KIAA1217: variants seen among roughly 807,000 people sequenced by gnomAD.
KIAA1217 encodes sickle tail protein homolog.
In KIAA1217, 88 loss-of-function variants were observed where a neutral mutation model predicts 163.9. The observed-to-expected ratio is 0.54, with a 90% CI of 0.45 to 0.64. KIAA1217 has a LOEUF of 0.64. Among genes scored for constraint, KIAA1217 ranks in the 30% least tolerant of loss-of-function variants. KIAA1217 has a pLI of 0.00. For synonymous variants in KIAA1217, 903 were observed against 923.1 expected (o/e 0.98, Z 0.39); for missense variants, 2,372 against 2,475.0 (o/e 0.96, Z 0.88).
chr10:23,754,858 T>A (rs12264522), intron 1 of KIAA1217, among the ~76,000 whole-genome samples: 17,767 of 151,260 alleles, frequency 0.12, 2,040 homozygotes, highest in African/African-American at 0.3. Flanking sequence ...TTTTCCTAAA[T>A]GAGACTTGCT....
At chr10:23,797,832 A>G (rs1836280636) in intron 1 of KIAA1217, among the ~76,000 whole-genome samples, 1 of 152,196 alleles carries the variant, frequency 6.6e-6, no homozygotes, top group Admixed American at 6.5e-5. Flanking sequence ...GCCAAACCAT[A>G]TTATTCCATT....
At position 24,543,387 on chromosome 10, in the gene KIAA1217, C is replaced by A; in HGVS notation, c.4117C>A (p.Pro1373Thr). ...NEDGESSSSSPTEENAATDNI... is the reference protein window; with the variant it reads ...NEDGESSSSSTTEENAATDNI... The stretch of plus-strand genomic sequence containing the variant: ...GGATGGAGAATCAAGTTCAAGTTCT[C>A]CCACTGAAGAAAATGCAGCCACTGA... Residue 1373 changes from proline (P) to threonine (T), a missense_variant, in exon 19 of 21, where the codon CCC (proline) becomes ACC (threonine). Physicochemically the swap from Pro to Thr is conservative, Grantham distance 38 (BLOSUM62 -1). Around this residue, in one of 3 missense-constraint regions of KIAA1217, gnomAD observed 251 missense variants for 327.3 expected, o/e 0.77. Transcript: ENST00000376454. The A allele has an allele frequency of 6.2e-7, 1 of 1,614,166 alleles. No homozygotes were observed.
chr10:23,900,202 T>C (rs7090657), intron 1 of KIAA1217, among the ~76,000 whole-genome samples: 55,088 of 151,466 alleles, frequency 0.36, 11,648 homozygotes, highest in African/African-American at 0.6. Context: ...GATGAGGTTT[T>C]GCAATGTTGG....
chr10:24,478,723 TA>T (rs986241919), intron 6 of KIAA1217, among the ~76,000 whole-genome samples: 2 of 152,216 alleles, frequency 1.3e-5, no homozygotes, highest in East Asian at 3.9e-4. Flanking sequence ...CTCTAGGTTG[TA>T]AAATTACTTC....
chr10:23,848,803 T>G (rs1190790466), intron 1 of KIAA1217, among the ~76,000 whole-genome samples: 1 of 152,094 alleles, frequency 6.6e-6, no homozygotes, highest in Non-Finnish European at 1.5e-5. Context: ...CCACAGTGGA[T>G]TTTTTGTGAA....
At chr10:24,050,065 T>C (rs1849386240) in intron 2 of KIAA1217, among the ~76,000 whole-genome samples, 1 of 152,248 alleles carries the variant, frequency 6.6e-6, no homozygotes, top group Non-Finnish European at 1.5e-5. Context: ...CCAGTGATGA[T>C]GAGCATTTTT....
chr10:24,184,946 G>A (rs1377668477), intron 2 of KIAA1217, among the ~76,000 whole-genome samples: 1 of 152,106 alleles, frequency 6.6e-6, no homozygotes, highest in South Asian at 2.1e-4. Context: ...ATTACGTATG[G>A]TATCTAATAT....
intron 2 of KIAA1217, among the ~76,000 whole-genome samples, chr10:24,171,953 A>G (rs1006607993): frequency 6.6e-6 from 1 of 152,192 alleles, no homozygotes; most frequent in Non-Finnish European, 1.5e-5. Flanking sequence ...TCTTAATTTC[A>G]TCCTCACAAC....
At chr10:23,963,046 T>C (rs974401472) in intron 1 of KIAA1217, among the ~76,000 whole-genome samples, 1 of 152,226 alleles carries the variant, frequency 6.6e-6, no homozygotes, top group Non-Finnish European at 1.5e-5. Flanking sequence ...TGAACCATAG[T>C]GAAACATACA....
chr10:24,524,350 CACGG>C lies in KIAA1217; in HGVS notation c.2488_2491del (p.Asp830GlnfsTer19), dbSNP rs1187583240. 1 of 1,612,234 alleles carries C rather than the reference CACGG, an allele frequency of 6.2e-7. No individual in the cohort carries two copies. The highest frequency in any genetic ancestry group is 1.7e-5 in the Admixed American group (1 of 59,990). ...ATGTCACTGATGGGCTCCTGAAAGG[CACGG>C]ACGCAGCCCAAGCCGCACAGTACAT... On this transcript the variant is annotated frameshift_variant, in exon 13 of 21. Coordinates refer to ENST00000376454, the MANE Select transcript of KIAA1217 (RefSeq NM_019590.5). LOFTEE classifies it high-confidence loss of function.
intron 2 of KIAA1217, chr10:24,042,533 T>C (rs1268516512): frequency 1.3e-5 from 2 of 152,196 alleles, no homozygotes; most frequent in African/African-American, 2.4e-5. Context: ...GAACGTTTGC[T>C]TAGAAACTTC....
rs16923955 is a variant in KIAA1217 at position 23,836,040 on chromosome 10, C to T, written c.-321+140806C>T. Among the ~76,000 whole-genome samples, 790 of 152,118 alleles carry T rather than the reference C, an allele frequency of 5.2e-3. 11 individuals are homozygous for T. Among genetic ancestry groups the T allele is most frequent in the African/African-American group, 0.017 (713 of 41,482 alleles). Reference sequence around the variant, plus strand: ...TAAGTTAAAATGGGGTCATTATTGTCTACTTTCATTCAATGTATTTCTATT... The same window carrying T: ...TAAGTTAAAATGGGGTCATTATTGTTTACTTTCATTCAATGTATTTCTATT... On this transcript the variant is annotated intron_variant, in intron 1 of 18. Coordinates refer to the KIAA1217 transcript ENST00000376462.
intron 2 of KIAA1217, among the ~76,000 whole-genome samples, chr10:24,227,263 T>G (rs976844510): frequency 1.3e-5 from 2 of 151,552 alleles, no homozygotes; most frequent in African/African-American, 4.9e-5. Context: ...GTTCAAGCGA[T>G]TCTCCTGCCT....
intron 5 of KIAA1217, among the ~76,000 whole-genome samples, chr10:24,450,475 G>A (rs2132269703): frequency 6.6e-6 from 1 of 152,228 alleles, no homozygotes; most frequent in South Asian, 2.1e-4. Context: ...GTCAACTCTT[G>A]CAGTAATTCA....
At chr10:24,109,997 T>C (rs929129106) in intron 2 of KIAA1217, among the ~76,000 whole-genome samples, 4 of 152,158 alleles carry the variant, frequency 2.6e-5, no homozygotes, top group African/African-American at 9.7e-5. Flanking sequence ...TCCCAAGTAG[T>C]TGGGACTACA....
At chr10:23,770,291 G>T (rs972751060) in intron 1 of KIAA1217, among the ~76,000 whole-genome samples, 1 of 152,174 alleles carries the variant, frequency 6.6e-6, no homozygotes, top group African/African-American at 2.4e-5. Context: ...CCTAAAATGT[G>T]CAAGCCCCAT....
intron 1 of KIAA1217, among the ~76,000 whole-genome samples, chr10:23,820,613 G>A (rs1480881309): frequency 6.6e-6 from 1 of 152,198 alleles, no homozygotes; most frequent in Non-Finnish European, 1.5e-5. Context: ...TGTCAGAGAA[G>A]TGAGGAGGTT....
intron 2 of KIAA1217, among the ~76,000 whole-genome samples, chr10:24,345,241 T>C (rs1222797319): frequency 2.0e-5 from 3 of 152,230 alleles, no homozygotes; most frequent in Non-Finnish European, 2.9e-5. Context: ...CGGCAGATCA[T>C]GGCAGATGGC....
chr10:24,099,314 C>A (rs773755707), intron 2 of KIAA1217, among the ~76,000 whole-genome samples: 5 of 150,488 alleles, frequency 3.3e-5, no homozygotes, highest in African/African-American at 4.9e-5. Context: ...AGTTATTTCT[C>A]CTAATGCTAT....
Sources: allele counts gnomAD v4.1 joint callset (sites outside exome capture counted in the v4.1 genomes callset), GRCh38; gene constraint gnomAD v4.1.1; regional missense constraint gnomAD v4.1.1; transcripts MANE v1.5; gene names NCBI Gene and HGNC (gene_info 2026-07-23, HGNC 2026-07-21).